WWTR1: variants seen among roughly 807,000 people sequenced by gnomAD.
WWTR1 encodes WW domain containing transcription regulator 1.
Under a neutral mutation model 40.1 loss-of-function variants are expected in WWTR1, and 13 were observed. That is an observed-to-expected ratio of 0.32 (90% confidence interval 0.21 to 0.52). The LOEUF (loss-of-function observed/expected upper bound fraction) is 0.52, where lower values mean the gene tolerates loss of function less well. WWTR1 is among the 20% of genes least tolerant of loss of function. WWTR1 has a pLI of 0.97. For synonymous variants in WWTR1, 230 were observed against 210.1 expected, an observed-to-expected ratio of 1.09 and a Z score of -0.82; for missense variants, 436 against 523.1, an observed-to-expected ratio of 0.83 and a Z score of 1.63.
chr3:149,577,353 T>TA (rs1560068514), intron 2 of WWTR1, among the ~76,000 whole-genome samples: 1 of 151,790 alleles, frequency 6.6e-6, no homozygotes, highest in East Asian at 1.9e-4. Context: ...TTCCTCGACT[T>TA]AAAAAAAAGA....
chr3:149,574,602 A>G (rs192820535), intron 2 of WWTR1, among the ~76,000 whole-genome samples: 2 of 152,216 alleles, frequency 1.3e-5, no homozygotes, highest in Non-Finnish European at 2.9e-5. Flanking sequence ...CAGTCTAGAA[A>G]CTTCCTTGCA....
chr3:149,682,950 T>C (rs1478179892), intron 1 of WWTR1, among the ~76,000 whole-genome samples: 1 of 152,124 alleles, frequency 6.6e-6, no homozygotes, highest in African/African-American at 2.4e-5. Flanking sequence ...GGATGAAGCA[T>C]GGACCCTGGG....
chr3:149,537,116 G>A (rs1814389), intron 4 of WWTR1, among the ~76,000 whole-genome samples: 146,693 of 152,338 alleles, frequency 0.96, 70,654 homozygotes, highest in East Asian at 1. Flanking sequence ...AGTTGCAATT[G>A]TGCCTTTTAG....
At chr3:149,699,620 A>G (rs558931274) in intron 1 of WWTR1, among the ~76,000 whole-genome samples, 96 of 152,242 alleles carry the variant, frequency 6.3e-4, no homozygotes, top group African/African-American at 2.3e-3. Context: ...TCAAACTCCC[A>G]CAGACCCCTA....
intron 2 of WWTR1, among the ~76,000 whole-genome samples, chr3:149,591,437 T>C (rs969168017): frequency 1.3e-5 from 2 of 152,242 alleles, no homozygotes; most frequent in Non-Finnish European, 2.9e-5. Flanking sequence ...ATGTTTTCAT[T>C]ATTTTAATAA....
chr3:149,522,642 T>TC (rs1735110636), intron 6 of WWTR1, among the ~76,000 whole-genome samples: 1 of 152,188 alleles, frequency 6.6e-6, no homozygotes, highest in South Asian at 2.1e-4. Context: ...TGCCTTTTTT[T>TC]CTCTTCATCT....
intron 2 of WWTR1, among the ~76,000 whole-genome samples, chr3:149,666,443 A>G (rs924249896): frequency 1.3e-5 from 2 of 152,180 alleles, no homozygotes; most frequent in African/African-American, 4.8e-5. Flanking sequence ...ATCTTAGATA[A>G]GAGAGTAGAT....
At chr3:149,670,607 G>A (rs191236702) in intron 1 of WWTR1, among the ~76,000 whole-genome samples, 2 of 140,554 alleles carry the variant, frequency 1.4e-5, no homozygotes, top group African/African-American at 5.3e-5. Flanking sequence ...TCATGCCACC[G>A]CACTCCAGCC....
chr3:149,613,845 T>A (rs1576597622), intron 2 of WWTR1, among the ~76,000 whole-genome samples: 1 of 152,048 alleles, frequency 6.6e-6, no homozygotes, highest in East Asian at 1.9e-4. Context: ...TACACCCAGC[T>A]GGGCTTTTGT....
In WWTR1 at chr3:149,715,239, G is replaced by T. The variant is rs564929923; in HGVS notation, n.584+2203C>A. 7.9e-5 allele frequency among the ~76,000 whole-genome samples: 12 copies of T among 152,298 alleles called. No homozygotes were observed. The East Asian group carries it at 2.3e-3, about 29-fold the overall frequency. ...TGGGTGAAGAGGAGAGAACACCTGC[G>T]GCCCTTCAGGGAGCCCAGACCTGGG... On this transcript the variant is annotated intron_variant and non_coding_transcript_variant, in intron 5 of 6. Coordinates refer to the WWTR1 transcript ENST00000474080.
rs755502128 is a variant in WWTR1 at position 149,573,016 on chromosome 3, CAATT to C, written c.432-20_432-17del. ...TTCTATGTGACTAAAAGAAGGAAAA[CAATT>C]AATTATCTTTTTAATTGTCAGCATC... On this transcript the variant is annotated splice_polypyrimidine_tract_variant and intron_variant, in intron 2 of 6. Coordinates refer to ENST00000360632, the MANE Select transcript of WWTR1 (RefSeq NM_015472.6). 1.3e-6 allele frequency: 2 copies of C among 1,579,444 alleles called. No individual in the cohort carries two copies. Among genetic ancestry groups the C allele is most frequent in the Non-Finnish European group, 8.6e-7 (1 of 1,168,748 alleles).
chr3:149,594,500 C>G (rs191159410), intron 2 of WWTR1, among the ~76,000 whole-genome samples: 1 of 152,100 alleles, frequency 6.6e-6, no homozygotes, highest in Non-Finnish European at 1.5e-5. Flanking sequence ...TTCACAAAAT[C>G]ATTTATGCTG....
At chr3:149,687,229 C>T (rs751458190) in intron 1 of WWTR1, among the ~76,000 whole-genome samples, 13 of 152,160 alleles carry the variant, frequency 8.5e-5, no homozygotes, top group Non-Finnish European at 1.9e-4. Flanking sequence ...GCAACTTGCC[C>T]CGCGTGCTTA....
At chr3:149,718,098 T>A (rs1007446143) in intron 4 of WWTR1, among the ~76,000 whole-genome samples, 1 of 152,146 alleles carries the variant, frequency 6.6e-6, no homozygotes, top group Non-Finnish European at 1.5e-5. Context: ...TCAATGACAT[T>A]ACCAAGTTAC....
intron 2 of WWTR1, among the ~76,000 whole-genome samples, chr3:149,646,200 C>G (rs960773411): frequency 6.6e-6 from 1 of 152,186 alleles, no homozygotes; most frequent in African/African-American, 2.4e-5. Flanking sequence ...AGATGGATGA[C>G]AGACACATTA....
intron 2 of WWTR1, among the ~76,000 whole-genome samples, chr3:149,605,727 GGTCCC>G (rs1234609378): frequency 1.3e-5 from 2 of 152,116 alleles, no homozygotes; most frequent in Non-Finnish European, 2.9e-5. Context: ...ACTAAAATGT[GGTCCC>G]GAGTTACAGA....
intron 1 of WWTR1, among the ~76,000 whole-genome samples, chr3:149,686,187 ATGACTCCAGTT>A (rs1460268638): frequency 3.3e-5 from 5 of 152,188 alleles, no homozygotes; most frequent in Non-Finnish European, 7.3e-5. Context: ...AATGACATAA[ATGACTCCAGTT>A]TGTTCTATCT....
At chr3:149,656,773 TCTCTCTCTCTCTCTCTCTCA>T in intron 2 of WWTR1, 83 bp downstream of exon 2, 1 of 990,594 alleles carries the variant, frequency 1.0e-6, no homozygotes, top group East Asian at 3.1e-5. Flanking sequence ...TTTCTCTCTC[TCTCTCTCTCTCTCTCTCTCA>T]CACACACACA....
At chr3:149,635,522 AAGG>A (rs1437889046) in intron 2 of WWTR1, among the ~76,000 whole-genome samples, 1 of 150,534 alleles carries the variant, frequency 6.6e-6, no homozygotes, top group Non-Finnish European at 1.5e-5. Context: ...GAAGGAGGAG[AAGG>A]AGAAGGAGAA....
Sources: gnomAD v4.1 joint callset for allele counts (sites outside exome capture counted in the v4.1 genomes callset) on GRCh38, gnomAD v4.1.1 for gene constraint, MANE v1.5 for transcripts, NCBI Gene and HGNC (gene_info 2026-07-23, HGNC 2026-07-21) for gene names.